MAF: variants seen among roughly 807,000 people sequenced by gnomAD.
The protein encoded by MAF is transcription factor Maf.
A neutral mutation model predicts 22.0 loss-of-function variants in MAF; 10 were observed. The observed-to-expected ratio is 0.45, with a 90% CI of 0.28 to 0.77. The LOEUF is 0.77. Among genes scored for constraint, MAF ranks in the 30% least tolerant of loss-of-function variants. MAF has a pLI of 0.12. For missense variants in MAF, 544 were observed against 548.4 expected (o/e 0.99, Z 0.08); for synonymous variants, 337 against 255.8 (o/e 1.32, Z -3.03).
At chr16:79,479,644 G>A in the MAF span, among the ~76,000 whole-genome samples, 2 of 152,166 alleles carry the variant, frequency 1.3e-5, no homozygotes, top group South Asian at 4.1e-4. Context: ...CCAGTTATGC[G>A]GATCACAGTA....
chr16:79,453,348 GAT>G, the MAF span, among the ~76,000 whole-genome samples: 4 of 152,146 alleles, frequency 2.6e-5, no homozygotes, highest in Non-Finnish European at 4.4e-5. Flanking sequence ...TGCAACCTAA[GAT>G]GGCATCCGGT....
At chr16:79,210,487 C>G in the MAF span, among the ~76,000 whole-genome samples, 2 of 152,100 alleles carry the variant, frequency 1.3e-5, no homozygotes. Context: ...CCATTTCCCC[C>G]ACAATCAAAG....
At chr16:79,513,685 G>A in the MAF span, among the ~76,000 whole-genome samples, 10 of 152,228 alleles carry the variant, frequency 6.6e-5, no homozygotes, top group African/African-American at 2.2e-4. Context: ...GAAACAATAA[G>A]CTTGTTGAGC....
At chr16:79,266,355 G>T in the MAF span, among the ~76,000 whole-genome samples, 4 of 151,964 alleles carry the variant, frequency 2.6e-5, no homozygotes, top group African/African-American at 9.7e-5. Flanking sequence ...CATGGATAAG[G>T]GGGGACTACT....
At chr16:79,573,340 C>T in the MAF span, among the ~76,000 whole-genome samples, 2 of 152,212 alleles carry the variant, frequency 1.3e-5, no homozygotes, top group African/African-American at 2.4e-5. Context: ...TAAGGAAAAT[C>T]TTCCATATCC....
chr16:79,584,477 A>G (rs1056822169), downstream of MAF, among the ~76,000 whole-genome samples: 1 of 152,176 alleles, frequency 6.6e-6, no homozygotes, highest in Non-Finnish European at 1.5e-5. Flanking sequence ...CACAGCTGAA[A>G]TTTGATTTCT....
At chr16:79,230,297 G>A in the MAF span, among the ~76,000 whole-genome samples, 1 of 152,138 alleles carries the variant, frequency 6.6e-6, no homozygotes, top group African/African-American at 2.4e-5. Flanking sequence ...GGCTGCTTCT[G>A]TGGGTGCCTC....
the MAF span, among the ~76,000 whole-genome samples, chr16:79,540,423 C>T: frequency 2.6e-5 from 4 of 152,156 alleles, no homozygotes; most frequent in Admixed American, 2.6e-4. Context: ...ACCACTCAGC[C>T]TCCCAGCGAG....
the MAF span, among the ~76,000 whole-genome samples, chr16:79,481,719 T>C: frequency 6.6e-6 from 1 of 152,060 alleles, no homozygotes; most frequent in African/African-American, 2.4e-5. Flanking sequence ...CACCCATCCA[T>C]CCATCTATAC....
At chr16:79,419,683 G>A in the MAF span, among the ~76,000 whole-genome samples, 1 of 152,190 alleles carries the variant, frequency 6.6e-6, no homozygotes, top group Non-Finnish European at 1.5e-5. Flanking sequence ...TGGAGCCGGG[G>A]AGATTTTCAT....
chr16:79,597,117 A>C, intron 1 of MAF: 4 of 1,058,496 alleles, frequency 3.8e-6, no homozygotes, highest in Non-Finnish European at 4.6e-6. Flanking sequence ...TGTATAAGCT[A>C]CTTTTTTTAA....
At chr16:79,401,702 G>A in the MAF span, among the ~76,000 whole-genome samples, 2 of 152,036 alleles carry the variant, frequency 1.3e-5, no homozygotes, top group South Asian at 4.1e-4. Flanking sequence ...TGAAATTTTC[G>A]GGCCGTGTGG....
chr16:79,382,385 G>A, the MAF span, among the ~76,000 whole-genome samples: 2 of 152,194 alleles, frequency 1.3e-5, no homozygotes, highest in Non-Finnish European at 2.9e-5. Context: ...GAACTTTCTG[G>A]AAGGATGGAA....
At chr16:79,434,182 G>C in the MAF span, among the ~76,000 whole-genome samples, 2 of 152,208 alleles carry the variant, frequency 1.3e-5, no homozygotes, top group Non-Finnish European at 2.9e-5. Context: ...AACATCACTA[G>C]CTAGGAAATG....
At chr16:79,304,840 G>C in the MAF span, among the ~76,000 whole-genome samples, 1 of 152,190 alleles carries the variant, frequency 6.6e-6, no homozygotes, top group South Asian at 2.1e-4. Flanking sequence ...TTGCGTGTTT[G>C]TGTTTTATCA....
At chr16:79,465,529 T>A in the MAF span, among the ~76,000 whole-genome samples, 1 of 151,794 alleles carries the variant, frequency 6.6e-6, no homozygotes, top group Non-Finnish European at 1.5e-5. Context: ...AGAGGTGGAG[T>A]TGCAGTGAGC....
chr16:79,580,684 T>A, the MAF span, among the ~76,000 whole-genome samples: 1,151 of 152,142 alleles, frequency 7.6e-3, 15 homozygotes, highest in African/African-American at 0.027. Context: ...TCACAAATTC[T>A]TTCTCCTCCC....
chr16:79,210,128 C>T, the MAF span, among the ~76,000 whole-genome samples: 2 of 152,208 alleles, frequency 1.3e-5, no homozygotes, highest in African/African-American at 4.8e-5. Context: ...TTGTCTCACT[C>T]ACGGTCCACA....
the MAF span, among the ~76,000 whole-genome samples, chr16:79,270,082 G>C: frequency 6.6e-6 from 1 of 151,912 alleles, no homozygotes; most frequent in Non-Finnish European, 1.5e-5. Flanking sequence ...AAGTCTCCTA[G>C]CTACCTCTTC....
Sources: allele counts gnomAD v4.1 joint callset (sites outside exome capture counted in the v4.1 genomes callset), GRCh38; gene constraint gnomAD v4.1.1; transcripts MANE v1.5; gene names NCBI Gene and HGNC (gene_info 2026-07-23, HGNC 2026-07-21).